The following LARP4B variants were observed in gnomAD, a reference collection of about 807,000 sequenced individuals.
LARP4B encodes La ribonucleoprotein 4B, also known as la-related protein 4B.
LARP4B carries 12 observed loss-of-function variants against 89.8 expected under a neutral mutation model. That is an observed-to-expected ratio of 0.13 (90% CI 0.09 to 0.22). The LOEUF (loss-of-function observed/expected upper bound fraction) is 0.22. Among genes scored for constraint, LARP4B ranks in the 10% least tolerant of loss-of-function variants. LARP4B has a pLI of 1.00. For missense variants in LARP4B, 757 were observed against 947.7 expected, an observed-to-expected ratio of 0.80 and a Z score of 2.64; for synonymous variants, 367 against 363.3, an observed-to-expected ratio of 1.01 and a Z score of -0.12.
chr10:850,335 A>G (rs1263491197), intron 5 of LARP4B, among the ~76,000 whole-genome samples: 2 of 152,232 alleles, frequency 1.3e-5, no homozygotes, highest in Non-Finnish European at 2.9e-5. Context: ...AAAGGATATA[A>G]GATATACCAT....
intron 1 of LARP4B, among the ~76,000 whole-genome samples, chr10:922,628 C>A (rs1448315794): frequency 6.6e-6 from 1 of 151,952 alleles, no homozygotes; most frequent in Admixed American, 6.6e-5. Context: ...GGCCACACCA[C>A]TACACTCCAC....
At chr10:824,652 G>A (rs1832528484) in intron 13 of LARP4B, among the ~76,000 whole-genome samples, 2 of 152,262 alleles carry the variant, frequency 1.3e-5, no homozygotes, top group Non-Finnish European at 2.9e-5. Flanking sequence ...ATGCTGATCT[G>A]CCTGGTTACC....
the LARP4B span, among the ~76,000 whole-genome samples, chr10:966,551 C>T: frequency 6.6e-6 from 1 of 152,372 alleles, no homozygotes; most frequent in Non-Finnish European, 1.5e-5. Flanking sequence ...GTCCGCACAT[C>T]CTACCGAGGA....
intron 7 of LARP4B, among the ~76,000 whole-genome samples, chr10:840,281 A>T (rs1393532068): frequency 1.3e-5 from 2 of 152,184 alleles, no homozygotes; most frequent in Non-Finnish European, 2.9e-5. Flanking sequence ...CACCCTCTGC[A>T]CTTCATGCCT....
the LARP4B span, among the ~76,000 whole-genome samples, chr10:937,622 G>A: frequency 6.6e-6 from 1 of 152,058 alleles, no homozygotes; most frequent in African/African-American, 2.4e-5. Flanking sequence ...GTCTGCCTCA[G>A]TTATATGGTA....
At chr10:922,066 C>T (rs115476513) in intron 1 of LARP4B, among the ~76,000 whole-genome samples, 65 of 152,092 alleles carry the variant, frequency 4.3e-4, no homozygotes, top group African/African-American at 1.5e-3. Flanking sequence ...TTTCCACAGA[C>T]AGAGCGGAGG....
At chr10:830,226 A>G (rs1832829478) in intron 9 of LARP4B, among the ~76,000 whole-genome samples, 1 of 152,120 alleles carries the variant, frequency 6.6e-6, no homozygotes, top group Admixed American at 6.5e-5. Context: ...ACCTGATTCA[A>G]TATCATCCGA....
intron 13 of LARP4B, among the ~76,000 whole-genome samples, chr10:823,641 T>C (rs1396700173): frequency 5.3e-5 from 8 of 151,568 alleles, no homozygotes; most frequent in South Asian, 2.1e-4. Context: ...GTGCCCACAA[T>C]TGATGCCCCT....
chr10:939,525 G>A, the LARP4B span, among the ~76,000 whole-genome samples: 11 of 152,354 alleles, frequency 7.2e-5, no homozygotes, highest in African/African-American at 2.6e-4. Flanking sequence ...GGCCTAAGAT[G>A]TCTGGGACTG....
rs1831916532 is a variant in LARP4B, at chr10:814,505, A to T, written c.1929+237T>A. On this transcript the variant is annotated intron_variant, in intron 17 of 17. Coordinates refer to ENST00000316157, the MANE Select transcript of LARP4B (RefSeq NM_015155.3). This position sits in a 1 kb window ranked among gnomAD's most constrained non-coding sequence, Gnocchi z 4.4. ...GTTACTACTCAAGAAACCTCTATTG[A>T]CCAACACTGAAATAAAAGGACTACA... 2 of 783,544 alleles carry T rather than the reference A, an allele frequency of 2.6e-6. No homozygotes were observed. The highest frequency in any genetic ancestry group is 4.0e-6 in the Non-Finnish European group (2 of 494,752). 48.5% of individuals were successfully genotyped at this position (783,544 alleles called of 1,614,324 possible).
At chr10:892,347 A>G (rs558823032) in intron 1 of LARP4B, among the ~76,000 whole-genome samples, 3 of 152,336 alleles carry the variant, frequency 2.0e-5, no homozygotes, top group South Asian at 4.1e-4. Flanking sequence ...CTTGTTCAAC[A>G]CTTGGGAGAC....
chr10:872,055 C>T (rs1396556202), intron 3 of LARP4B, among the ~76,000 whole-genome samples: 1 of 152,188 alleles, frequency 6.6e-6, no homozygotes, highest in Admixed American at 6.5e-5. Flanking sequence ...TCACTTTCTC[C>T]CAGGACACAC....
At chr10:888,804 C>T (rs192015063) in intron 1 of LARP4B, among the ~76,000 whole-genome samples, 25 of 152,290 alleles carry the variant, frequency 1.6e-4, no homozygotes, top group East Asian at 7.7e-4. Flanking sequence ...AAGAATATTA[C>T]GGCAGGGCGC....
At chr10:987,220 G>A in the LARP4B span, 1 of 152,240 alleles carries the variant, frequency 6.6e-6, no homozygotes, top group African/African-American at 2.4e-5. Context: ...CTTTAGAAGT[G>A]CCACAAAGAT....
chr10:960,707 C>CAAAAAAA, the LARP4B span, among the ~76,000 whole-genome samples: 16 of 65,884 alleles, frequency 2.4e-4, no homozygotes, highest in Non-Finnish European at 3.9e-4. Context: ...GACTCTGTCT[C>CAAAAAAA]AAAAAAAAAA....
chr10:930,795 C>T (rs1837277963), intron 1 of LARP4B, among the ~76,000 whole-genome samples: 1 of 152,192 alleles, frequency 6.6e-6, no homozygotes, highest in South Asian at 2.1e-4. Context: ...GCAACAGGAT[C>T]CCAACTTCCT....
Position 829,342 on chromosome 10 carries a change from C to G in LARP4B, c.1125+43G>C, listed in dbSNP as rs757737954. 6 of 1,475,398 alleles carry G rather than the reference C, an allele frequency of 4.1e-6. No homozygotes were observed. In the South Asian group the frequency reaches 7.9e-5, roughly 19 times the overall value. The allele number at this position is 1,475,398 out of a possible 1,614,324, so 91.4% of individuals were successfully genotyped here. On this transcript the variant is annotated intron_variant, in intron 11 of 17. Transcript: ENST00000316157. The stretch of plus-strand genomic sequence containing the variant: ...GATTTTAATCCTTCAAATTATCTAG[C>G]ATAGTGTCTACAACATAAATTCCTA...
intron 3 of LARP4B, among the ~76,000 whole-genome samples, chr10:869,564 G>A (rs1054942539): frequency 3.3e-5 from 5 of 152,130 alleles, no homozygotes; most frequent in Non-Finnish European, 5.9e-5. Context: ...CCACTGTTTA[G>A]AGTAAATCTT....
chr10:976,018 T>G, the LARP4B span, among the ~76,000 whole-genome samples: 4,482 of 76,774 alleles, frequency 0.058, 418 homozygotes, highest in African/African-American at 0.21. Flanking sequence ...CCTAGTAGAA[T>G]GTAGGCCTGT....
Sources: allele counts gnomAD v4.1 joint callset (sites outside exome capture counted in the v4.1 genomes callset), GRCh38; gene constraint gnomAD v4.1.1; non-coding constraint Gnocchi (gnomAD v3.1); transcripts MANE v1.5; gene names NCBI Gene and HGNC (gene_info 2026-07-23, HGNC 2026-07-21).